The following ARMH3 variants were observed in gnomAD, a reference collection of about 807,000 sequenced individuals.
The protein encoded by ARMH3 is armadillo like helical domain containing 3.
ARMH3 carries 60 observed loss-of-function variants against 99.1 expected under a neutral mutation model. The ratio of observed to expected loss-of-function variants is 0.61; its 90% CI spans 0.49 to 0.75. The LOEUF is 0.75. Ranked by LOEUF, ARMH3 falls within the 30% of genes least tolerant of loss-of-function variation. ARMH3 has a pLI of 0.00. For synonymous variants in ARMH3, 285 were observed against 292.8 expected (o/e 0.97, Z 0.27); for missense variants, 679 against 843.1 (o/e 0.81, Z 2.41).
At chr10:102,025,396 TAAAGA>T (rs1169170368) in intron 5 of ARMH3, 148 bp from the exon 6 acceptor site, 2 of 591,776 alleles carry the variant, frequency 3.4e-6, no homozygotes, top group Non-Finnish European at 2.8e-6. Flanking sequence ...CAAGATTAAA[TAAAGA>T]AAAGGAGGAC....
intron 22 of ARMH3, among the ~76,000 whole-genome samples, chr10:101,953,606 T>C (rs1054015978): frequency 1.3e-5 from 2 of 149,140 alleles, no homozygotes; most frequent in South Asian, 2.1e-4. Flanking sequence ...AGAAGATATA[T>C]AGATGGCAAA....
chr10:101,917,855 C>A (rs1843148027), intron 23 of ARMH3, among the ~76,000 whole-genome samples: 1 of 152,112 alleles, frequency 6.6e-6, no homozygotes, highest in South Asian at 2.1e-4. Flanking sequence ...GCTAAATATG[C>A]CTGTTCCTCA....
chr10:101,995,954 C>T (rs745569849), intron 15 of ARMH3, among the ~76,000 whole-genome samples: 15 of 152,240 alleles, frequency 9.9e-5, no homozygotes, highest in Non-Finnish European at 1.3e-4. Context: ...ATGTGGCAGG[C>T]ACTGTGCAAG....
intron 8 of ARMH3, among the ~76,000 whole-genome samples, chr10:102,016,123 A>G (rs1391465108): frequency 6.6e-6 from 1 of 152,232 alleles, no homozygotes; most frequent in Non-Finnish European, 1.5e-5. Context: ...TAACAGAGTG[A>G]GACCCTGTCT....
At chr10:101,984,529 A>G (rs549238840) in intron 19 of ARMH3, among the ~76,000 whole-genome samples, 37 of 152,068 alleles carry the variant, frequency 2.4e-4, no homozygotes, top group South Asian at 8.3e-4. Context: ...TGGACGGCCT[A>G]TATTTGGCCC....
intron 1 of ARMH3, among the ~76,000 whole-genome samples, chr10:102,055,761 G>C (rs1289176221): frequency 6.6e-6 from 1 of 152,196 alleles, no homozygotes; most frequent in African/African-American, 2.4e-5. Context: ...CAGCTGGCGG[G>C]GTCAAAGGTC....
At chr10:101,934,909 A>G (rs974040052) in intron 23 of ARMH3, among the ~76,000 whole-genome samples, 3 of 152,112 alleles carry the variant, frequency 2.0e-5, no homozygotes, top group Non-Finnish European at 4.4e-5. Flanking sequence ...AAGTCTTCAG[A>G]CAAAAGTTTC....
intron 11 of ARMH3, among the ~76,000 whole-genome samples, chr10:102,010,675 T>C (rs2066610844): frequency 6.6e-6 from 1 of 152,214 alleles, no homozygotes; most frequent in Admixed American, 6.5e-5. Flanking sequence ...TTAATTATGC[T>C]TGAAACTATA....
chr10:102,023,480 A>T lies in ARMH3; in HGVS notation c.666T>A (p.Tyr222Ter). The change falls in exon 8 of 26, where the codon TAT becomes TAA. Residue 222 changes from tyrosine to a stop codon, truncating the protein, a stop_gained. Coordinates refer to ENST00000370033, the MANE Select transcript of ARMH3 (RefSeq NM_024541.3). LOFTEE classifies it high-confidence loss of function. ...LLALLVNYRK[Y>*]ESVNPYIVKL... Reference sequence around the variant, plus strand: ...GTCCACTAAGGAGCCCAGTTACCTCATATTTTCTATAGTTCACCAGCAAAG... The same window carrying T: ...GTCCACTAAGGAGCCCAGTTACCTCTTATTTTCTATAGTTCACCAGCAAAG... The T allele has an allele frequency of 1.2e-6, 2 of 1,613,398 alleles. No homozygotes were observed. Among genetic ancestry groups the T allele is most frequent in the South Asian group, 1.1e-5 (1 of 91,062 alleles).
chr10:102,041,075 C>CATATATATATATAAT (rs2067399343), intron 1 of ARMH3, among the ~76,000 whole-genome samples: 8 of 131,994 alleles, frequency 6.1e-5, no homozygotes, highest in Non-Finnish European at 1.1e-4. Context: ...ATTGTGTGTA[C>CATATATATATATAAT]ATATATATAT....
intron 23 of ARMH3, among the ~76,000 whole-genome samples, chr10:101,904,275 C>T (rs924248373): frequency 5.3e-5 from 8 of 152,130 alleles, no homozygotes; most frequent in African/African-American, 1.2e-4. Flanking sequence ...AACACCTTAC[C>T]GCCAAGAGCA....
intron 8 of ARMH3, among the ~76,000 whole-genome samples, chr10:102,019,927 C>CA (rs35874445): frequency 1.3e-3 from 143 of 108,380 alleles, no homozygotes; most frequent in African/African-American, 1.9e-3. Flanking sequence ...GACTCTGTCT[C>CA]AAAAAAAAAA....
chr10:102,015,776 C>T (rs1411252156), intron 8 of ARMH3, among the ~76,000 whole-genome samples: 1 of 152,152 alleles, frequency 6.6e-6, no homozygotes, highest in African/African-American at 2.4e-5. Flanking sequence ...ACGAATTAGG[C>T]ACATAAAGCT....
chr10:101,936,043 G>A (rs568603869), intron 23 of ARMH3, among the ~76,000 whole-genome samples: 5 of 152,112 alleles, frequency 3.3e-5, no homozygotes, highest in Non-Finnish European at 7.4e-5. Context: ...ACTGGAGTAC[G>A]TACTTCCAAG....
chr10:101,867,323 G>A (rs1427303593), intron 24 of ARMH3, among the ~76,000 whole-genome samples: 2 of 152,150 alleles, frequency 1.3e-5, no homozygotes, highest in Non-Finnish European at 2.9e-5. Context: ...AATGCCACTG[G>A]CTACCCATGA....
intron 23 of ARMH3, among the ~76,000 whole-genome samples, chr10:101,909,975 T>C (rs966242070): frequency 9.2e-5 from 14 of 152,338 alleles, no homozygotes; most frequent in African/African-American, 3.4e-4. Context: ...AAAATTAAAG[T>C]TACATGTGAC....
intron 23 of ARMH3, among the ~76,000 whole-genome samples, chr10:101,904,259 T>G (rs1439899783): frequency 6.6e-6 from 1 of 152,194 alleles, no homozygotes; most frequent in Non-Finnish European, 1.5e-5. Flanking sequence ...ACGAAGAGCC[T>G]GAGCAAACAC....
At chr10:102,033,708 G>A (rs746910111) in intron 2 of ARMH3, among the ~76,000 whole-genome samples, 3 of 152,164 alleles carry the variant, frequency 2.0e-5, no homozygotes, top group Admixed American at 6.5e-5. Flanking sequence ...GTGAGCCACC[G>A]CACCCGGCCC....
At chr10:102,024,780 T>C (rs1451890169) in intron 6 of ARMH3, among the ~76,000 whole-genome samples, 2 of 151,168 alleles carry the variant, frequency 1.3e-5, no homozygotes, top group African/African-American at 2.4e-5. Flanking sequence ...GATCACGCCA[T>C]TGCACTCCAG....
Sources: allele counts gnomAD v4.1 joint callset (sites outside exome capture counted in the v4.1 genomes callset), GRCh38; gene constraint gnomAD v4.1.1; transcripts MANE v1.5; gene names NCBI Gene and HGNC (gene_info 2026-07-23, HGNC 2026-07-21).